Variants in TSC2 observed in about 807,000 individuals in gnomAD.
TSC2 encodes the protein TSC complex subunit 2, also known as tuberin.
Under a neutral mutation model 202.2 loss-of-function variants are expected in TSC2, and 29 were observed. That is an observed-to-expected ratio of 0.14 (90% CI 0.11 to 0.20). The LOEUF (loss-of-function observed/expected upper bound fraction) is 0.20. Ranked by LOEUF, TSC2 falls within the 10% of genes least tolerant of loss-of-function variation. The pLI is 1.00. For synonymous variants in TSC2, 1,349 were observed against 1,044.0 expected, an observed-to-expected ratio of 1.29 and a Z score of -5.63; for missense variants, 2,429 against 2,420.0, an observed-to-expected ratio of 1.00 and a Z score of -0.08.
rs767812115 is a variant in TSC2, at chr16:2,081,680, T to C, written c.3696T>C (p.Ser1232=). 1.2e-6 allele frequency: 2 copies of C among 1,612,992 alleles called. No individual in the cohort carries two copies. Among genetic ancestry groups the C allele is most frequent in the Non-Finnish European group, 1.7e-6 (2 of 1,180,016 alleles). ...DINNMPLQEL[S]NALMAAERFK... is the part of the protein sequence containing the mutation. The stretch of plus-strand genomic sequence containing the variant: ...ACAACATGCCCCTGCAGGAGCTGTC[T>C]AACGCCCTCATGGCGGCTGAGCGCT... Residue 1232 remains serine, a synonymous_variant, in exon 31 of 42, where the codon TCT becomes TCC. Transcript: ENST00000219476.
At chr16:2,059,104 C>T (rs1029182332) in intron 10 of TSC2, among the ~76,000 whole-genome samples, 4 of 150,578 alleles carry the variant, frequency 2.7e-5, no homozygotes, top group African/African-American at 7.3e-5. Flanking sequence ...CTGCAATCTC[C>T]GCCTCCCGGA....
At chr16:2,072,026 GC>G (rs2088506116) in intron 19 of TSC2, 92 bp downstream of exon 19, 1 of 1,488,754 alleles carries the variant, frequency 6.7e-7, no homozygotes, top group Non-Finnish European at 8.9e-7. Context: ...TCCCTGTCTG[GC>G]CTGTGGAGGG....
At chr16:2,068,263 C>T (rs1233728917) in intron 16 of TSC2, among the ~76,000 whole-genome samples, 1 of 152,160 alleles carries the variant, frequency 6.6e-6, no homozygotes, top group Non-Finnish European at 1.5e-5. Context: ...TGGTCTCAAT[C>T]TCCTGACCTC....
rs1408228669 is a variant in TSC2 at position 2,071,595 on chromosome 16, C to G, written c.1925C>G (p.Pro642Arg). ...PNKDGVVRFSPYCVCDYMEPE... is the reference protein window; with the variant it reads ...PNKDGVVRFSRYCVCDYMEPE... ...AAGGATGGAGTCGTGCGGTTCAGCC[C>G]CTACTGCGTCTGCGACTACATGTAC... The change falls in exon 18 of 42, where the codon CCC becomes CGC. Residue 642 changes from proline (P) to arginine (R), a missense_variant. Coordinates refer to ENST00000219476, the MANE Select transcript of TSC2 (RefSeq NM_000548.5). 1.9e-6 allele frequency: 3 copies of G among 1,613,326 alleles called. No homozygotes were observed. The highest frequency in any genetic ancestry group is 2.5e-6 in the Non-Finnish European group (3 of 1,180,038).
Position 2,088,973 on chromosome 16 carries a change from A to C in TSC2, c.*363A>C. 1 of 315,618 alleles carries C rather than the reference A, an allele frequency of 3.2e-6. No individual in the cohort carries two copies. Among genetic ancestry groups the C allele is most frequent in the South Asian group, 3.2e-5 (1 of 31,052 alleles). The allele number at this position is 315,618 out of a possible 1,614,324, so 19.6% of individuals were successfully genotyped here. ...TCTAACCACCCTGGGGTCCTCTGAC[A>C]TGCCTAGTCCTGCTACTTGCCCAGA... On this transcript the variant is annotated 3_prime_UTR_variant, in exon 42 of 42. Transcript: ENST00000219476.
chr16:2,070,678 A>G, intron 17 of TSC2, 100 bp downstream of exon 17: 1 of 1,567,920 alleles, frequency 6.4e-7, no homozygotes, highest in Non-Finnish European at 8.6e-7. Flanking sequence ...CGGCCCCAGG[A>G]TGGGGCCTCA....
chr16:2,088,513 C>T lies in TSC2; in HGVS notation c.5327C>T (p.Ala1776Val), dbSNP rs1260718488. The T allele has an allele frequency of 1.2e-6, 2 of 1,612,732 alleles. No individual in the cohort carries two copies. The highest frequency in any genetic ancestry group is 2.2e-5 in the East Asian group (1 of 44,876). Residue 1776 changes from alanine to valine, a missense_variant, in exon 42 of 42, where the codon GCC becomes GTC. Ala to Val is a moderately conservative substitution (Grantham distance 64, BLOSUM62 0). Transcript: ENST00000219476. ...GTGCACCCTCCGTCCCATAGCAAAG[C>T]CCCTGCACAGACTCCAGCCGAGCCC... ...PLVHPPSHSK[A>V]PAQTPAEPTP... is the part of the protein sequence containing the mutation.
At chr16:2,052,561 C>T (rs2085265565) in intron 3 of TSC2, among the ~76,000 whole-genome samples, 1 of 152,162 alleles carries the variant, frequency 6.6e-6, no homozygotes, top group South Asian at 2.1e-4. Context: ...CCTCTCCCCT[C>T]TGCCACCCGA....
At chr16:2,078,592 C>T (rs370213264) in intron 26 of TSC2, 130 of 263,592 alleles carry the variant, frequency 4.9e-4, no homozygotes, top group East Asian at 4.7e-3. Context: ...CTCAGGCAGC[C>T]GCTCGCCTGC....
At chr16:2,066,651 C>CTT (rs34619573) in intron 16 of TSC2, among the ~76,000 whole-genome samples, 1,327 of 98,456 alleles carry the variant, frequency 0.013, 42 homozygotes, top group Non-Finnish European at 0.02. Flanking sequence ...TCTGATTTAT[C>CTT]TTTTTTTTTT....
chr16:2,064,101 C>A, intron 14 of TSC2, 171 bp from the exon 15 acceptor site: 1 of 1,072,596 alleles, frequency 9.3e-7, no homozygotes, highest in East Asian at 2.4e-5. Context: ...TGGAAGGGGC[C>A]CCGGGGTCTC....
At position 2,074,641 on chromosome 16, in the gene TSC2, G is replaced by A. The variant is rs1040275130; in HGVS notation, c.2545+252G>A. The A allele has an allele frequency of 5.3e-6, 3 of 564,740 alleles. No homozygotes were observed. In the Admixed American group the frequency reaches 9.0e-5, roughly 17 times the overall value. The allele number at this position is 564,740 out of a possible 1,614,324, so 35.0% of individuals were successfully genotyped here. On this transcript the variant is annotated intron_variant, in intron 22 of 41. Coordinates refer to ENST00000219476, the MANE Select transcript of TSC2 (RefSeq NM_000548.5). ...GAAGAAGCCTCTTCCCCCCCGAGCA[G>A]TGGCCCTCCCCTGGTTTTGGGCCTC... is the stretch of plus-strand genomic sequence containing the variant.
rs1060504113 is a variant in TSC2, at chr16:2,062,990, C to T, written c.1380C>T (p.Ala460=). The stretch of plus-strand genomic sequence containing the variant: ...CCCGCAGGAGCGAGTCCCGAGGCGC[C>T]GTGCGCATCAAGGTGCTGGACGTGC... ...ERFFRSESRG[A]VRIKVLDVLS... The change falls in exon 14 of 42, where the codon GCC becomes GCT. Residue 460 remains alanine (A), a synonymous_variant. Transcript: ENST00000219476. The T allele has an allele frequency of 1.2e-5, 18 of 1,550,982 alleles. No individual in the cohort carries two copies. Among genetic ancestry groups the T allele is most frequent in the East Asian group, 2.4e-5 (1 of 40,926 alleles).
At chr16:2,061,672 C>T in intron 11 of TSC2, 199 bp from the exon 12 acceptor site, 2 of 839,228 alleles carry the variant, frequency 2.4e-6, no homozygotes, top group Non-Finnish European at 3.8e-6. Context: ...AGGGTGGCCC[C>T]TGGAGAGGAT....
rs1022290518 is a variant in TSC2, at chr16:2,048,047, C to G, written c.-48C>G. ...TTCTCCGCGTCGGGGCGGCCCGGAG[C>G]GCGGTGGCGCGGCGCGGGGTAAGTG... On this transcript the variant is annotated 5_prime_UTR_variant, in exon 1 of 42. Transcript: ENST00000219476. 2.0e-5 allele frequency: 28 copies of G among 1,423,978 alleles called. No homozygotes were observed. Among genetic ancestry groups the G allele is most frequent in the Non-Finnish European group, 2.0e-5 (22 of 1,096,536 alleles). 88.2% of individuals were successfully genotyped at this position (1,423,978 alleles called of 1,614,324 possible).
rs1388410215 is a variant in TSC2, at chr16:2,077,816, T to C, written c.2966+90T>C. ...AGTGCATGGGGCTGCTTGCATGACC[T>C]CATCGTCTGCCCGTGTCCTCCCTGG... On this transcript the variant is annotated intron_variant, in intron 26 of 41. Coordinates refer to ENST00000219476, the MANE Select transcript of TSC2 (RefSeq NM_000548.5). 8 of 1,581,490 alleles carry C rather than the reference T, an allele frequency of 5.1e-6. No individual in the cohort carries two copies. The East Asian group carries it at 1.8e-4, about 35-fold the overall frequency.
chr16:2,071,171 G>T (rs1856664372), intron 17 of TSC2, among the ~76,000 whole-genome samples: 1 of 152,248 alleles, frequency 6.6e-6, no homozygotes, highest in African/African-American at 2.4e-5. Flanking sequence ...AAGTGGCAGG[G>T]CTGGGAGCTG....
intron 7 of TSC2, among the ~76,000 whole-genome samples, 181 bp downstream of exon 7, chr16:2,056,425 A>ATG (rs1163602020): frequency 2.6e-5 from 4 of 152,188 alleles, no homozygotes; most frequent in Non-Finnish European, 5.9e-5. Flanking sequence ...CCATGTGGAG[A>ATG]TGTAGCTCAG....
chr16:2,063,492 G>C, intron 14 of TSC2: 1 of 292,072 alleles, frequency 3.4e-6, no homozygotes, highest in South Asian at 3.5e-5. Flanking sequence ...TGGGAGCTCT[G>C]TGGCCCCAGG....
Sources: allele counts gnomAD v4.1 joint callset (sites outside exome capture counted in the v4.1 genomes callset), GRCh38; gene constraint gnomAD v4.1.1; transcripts MANE v1.5; gene names NCBI Gene and HGNC (gene_info 2026-07-23, HGNC 2026-07-21).